Variants in HEMK2 observed in about 807,000 individuals in gnomAD.
HEMK2 encodes the protein methyltransferase HEMK2.
chr21:28,732,904 G>C, the HEMK2 span, among the ~76,000 whole-genome samples: 1 of 152,086 alleles, frequency 6.6e-6, no homozygotes, highest in African/African-American at 2.4e-5. Context: ...TAATACCCGG[G>C]TACCTCCAGA....
At chr21:28,587,298 T>C in the HEMK2 span, among the ~76,000 whole-genome samples, 4 of 152,238 alleles carry the variant, frequency 2.6e-5, no homozygotes, top group African/African-American at 9.6e-5. Context: ...CTAACCTGGG[T>C]TGTGGGTTGT....
At chr21:28,847,946 T>C in the HEMK2 span, among the ~76,000 whole-genome samples, 9 of 152,250 alleles carry the variant, frequency 5.9e-5, no homozygotes, top group African/African-American at 2.2e-4. Flanking sequence ...CGAAACTTTA[T>C]TTCTGGGTTC....
At chr21:28,773,848 A>T in the HEMK2 span, among the ~76,000 whole-genome samples, 8 of 152,170 alleles carry the variant, frequency 5.3e-5, no homozygotes, top group African/African-American at 1.9e-4. Flanking sequence ...GATGTCCTGT[A>T]GCAGGAAAAC....
the HEMK2 span, among the ~76,000 whole-genome samples, chr21:28,587,821 T>C: frequency 6.6e-6 from 1 of 152,184 alleles, no homozygotes; most frequent in Non-Finnish European, 1.5e-5. Context: ...AAATAAATGA[T>C]CAAGTTTTAT....
chr21:28,865,378 C>G, the HEMK2 span, among the ~76,000 whole-genome samples: 1 of 152,152 alleles, frequency 6.6e-6, no homozygotes, highest in East Asian at 1.9e-4. Flanking sequence ...ATTGGCCAGG[C>G]TGGGTCTCGG....
chr21:28,862,065 T>C, the HEMK2 span, among the ~76,000 whole-genome samples: 1 of 152,168 alleles, frequency 6.6e-6, no homozygotes, highest in Non-Finnish European at 1.5e-5. Context: ...ACAGTGTTGG[T>C]TGGGGTTACT....
chr21:28,807,879 T>A, the HEMK2 span, among the ~76,000 whole-genome samples: 1 of 152,096 alleles, frequency 6.6e-6, no homozygotes, highest in Non-Finnish European at 1.5e-5. Context: ...ATCCATCCCC[T>A]CCATTTTCCC....
chr21:28,806,434 C>T, the HEMK2 span, among the ~76,000 whole-genome samples: 7,455 of 152,102 alleles, frequency 0.049, 249 homozygotes, highest in Middle Eastern at 0.1. Flanking sequence ...ACTGTGCTCT[C>T]TCAAAAAAAA....
At chr21:28,742,379 C>A in the HEMK2 span, among the ~76,000 whole-genome samples, 2 of 152,182 alleles carry the variant, frequency 1.3e-5, no homozygotes, top group African/African-American at 4.8e-5. Flanking sequence ...GTTCTGAGAA[C>A]AATTATTTCT....
the HEMK2 span, among the ~76,000 whole-genome samples, chr21:28,683,546 A>G: frequency 2.6e-5 from 4 of 152,190 alleles, no homozygotes; most frequent in African/African-American, 7.2e-5. Context: ...TACAAAAAGG[A>G]TATCTCTTAT....
the HEMK2 span, among the ~76,000 whole-genome samples, chr21:28,736,537 A>G: frequency 6.6e-6 from 1 of 152,132 alleles, no homozygotes; most frequent in African/African-American, 2.4e-5. Flanking sequence ...AGGCAGATCA[A>G]CCTGAAGTCA....
the HEMK2 span, among the ~76,000 whole-genome samples, chr21:28,684,783 A>C: frequency 1.3e-5 from 2 of 152,214 alleles, no homozygotes; most frequent in African/African-American, 4.8e-5. Flanking sequence ...TGGGTCGAAC[A>C]TCCAACTGCC....
At chr21:28,584,575 T>C in the HEMK2 span, among the ~76,000 whole-genome samples, 7 of 151,790 alleles carry the variant, frequency 4.6e-5, no homozygotes, top group Non-Finnish European at 1.0e-4. Context: ...AGAAAGTAAG[T>C]GGGGTCACAT....
At chr21:28,877,525 A>AAAGAG in the HEMK2 span, among the ~76,000 whole-genome samples, 1 of 149,960 alleles carries the variant, frequency 6.7e-6, no homozygotes, top group East Asian at 1.9e-4. Context: ...GGAAAAAAGA[A>AAAGAG]AAGAGAAGAG....
chr21:28,674,287 T>C, the HEMK2 span, among the ~76,000 whole-genome samples: 2 of 152,170 alleles, frequency 1.3e-5, no homozygotes, highest in Non-Finnish European at 2.9e-5. Context: ...CCATAAAAAA[T>C]TGGCAACCAG....
chr21:28,702,762 A>T, the HEMK2 span, among the ~76,000 whole-genome samples: 1 of 152,208 alleles, frequency 6.6e-6, no homozygotes, highest in African/African-American at 2.4e-5. Context: ...GATTTCTCAA[A>T]GATCTCAAAG....
chr21:28,722,413 T>G, the HEMK2 span, among the ~76,000 whole-genome samples: 1 of 152,160 alleles, frequency 6.6e-6, no homozygotes, highest in Non-Finnish European at 1.5e-5. Context: ...TAAACAGACT[T>G]AGGATTTGTA....
At chr21:28,688,932 C>T in the HEMK2 span, among the ~76,000 whole-genome samples, 27 of 152,192 alleles carry the variant, frequency 1.8e-4, no homozygotes, top group African/African-American at 5.8e-4. Flanking sequence ...CATTAATTGA[C>T]GTATTGTTCA....
the HEMK2 span, among the ~76,000 whole-genome samples, chr21:28,631,641 T>G: frequency 6.6e-6 from 1 of 152,198 alleles, no homozygotes; most frequent in Non-Finnish European, 1.5e-5. Context: ...CATAAACATA[T>G]GCATTTGACA....
Sources: gnomAD v4.1 joint callset for allele counts (sites outside exome capture counted in the v4.1 genomes callset) on GRCh38, gnomAD v4.1.1 for gene constraint, MANE v1.5 for transcripts, NCBI Gene and HGNC (gene_info 2026-07-23, HGNC 2026-07-21) for gene names.